The following HS3ST2 variants were observed in gnomAD, a reference collection of about 807,000 sequenced individuals.
The protein encoded by HS3ST2 is heparan sulfate glucosamine 3-O-sulfotransferase 2.
In HS3ST2, 17 loss-of-function variants were observed where a neutral mutation model predicts 26.3. The observed-to-expected ratio is 0.65, with a 90% CI of 0.44 to 0.97. HS3ST2 has a LOEUF of 0.97. Among genes scored for constraint, HS3ST2 ranks in the 50% least tolerant of loss-of-function variants. The pLI, the probability that HS3ST2 is intolerant of heterozygous loss-of-function variation, is 0.00. For synonymous variants in HS3ST2, 237 were observed against 219.2 expected, an observed-to-expected ratio of 1.08 and a Z score of -0.72; for missense variants, 402 against 501.2, an observed-to-expected ratio of 0.80 and a Z score of 1.89.
At chr16:22,820,902 TC>T (rs771106523) in intron 1 of HS3ST2, among the ~76,000 whole-genome samples, 2 of 152,200 alleles carry the variant, frequency 1.3e-5, no homozygotes, top group African/African-American at 4.8e-5. Flanking sequence ...TTAGCATGTA[TC>T]TTATGATTGA....
chr16:22,832,580 A>C (rs1901188875), intron 1 of HS3ST2, among the ~76,000 whole-genome samples: 1 of 151,998 alleles, frequency 6.6e-6, no homozygotes, highest in Non-Finnish European at 1.5e-5. Context: ...CTGTGGTCTG[A>C]GGCCAGGGTG....
chr16:22,823,157 G>A (rs899590190), intron 1 of HS3ST2, among the ~76,000 whole-genome samples: 1 of 152,182 alleles, frequency 6.6e-6, no homozygotes, highest in African/African-American at 2.4e-5. Context: ...ATTAGAAAGT[G>A]ATCATAAAAA....
At chr16:22,863,607 T>C (rs13332627) in intron 1 of HS3ST2, among the ~76,000 whole-genome samples, 24,124 of 152,108 alleles carry the variant, frequency 0.16, 3,214 homozygotes, top group African/African-American at 0.36. Context: ...TAATCCTGTG[T>C]CTATTGTTAC....
At chr16:22,840,747 A>G (rs1485319807) in intron 1 of HS3ST2, among the ~76,000 whole-genome samples, 1 of 152,126 alleles carries the variant, frequency 6.6e-6, no homozygotes, top group Admixed American at 6.5e-5. Context: ...TCCTCATACT[A>G]TTAGGAGAAA....
intron 1 of HS3ST2, among the ~76,000 whole-genome samples, chr16:22,899,434 T>C (rs944658563): frequency 1.3e-5 from 2 of 152,122 alleles, no homozygotes; most frequent in Non-Finnish European, 2.9e-5. Flanking sequence ...GGTCACCTAC[T>C]AAGAGTGGCA....
intron 1 of HS3ST2, among the ~76,000 whole-genome samples, chr16:22,826,491 C>A (rs1901088850): frequency 6.6e-6 from 1 of 152,184 alleles, no homozygotes; most frequent in Non-Finnish European, 1.5e-5. Flanking sequence ...TTACTTCTTA[C>A]TTCTCACTGA....
At chr16:22,885,580 C>G (rs149480902) in intron 1 of HS3ST2, among the ~76,000 whole-genome samples, 1 of 151,884 alleles carries the variant, frequency 6.6e-6, no homozygotes, top group South Asian at 2.1e-4. Flanking sequence ...CTCAGCCTCC[C>G]GAGTAGCTGG....
chr16:22,887,340 G>A (rs1283791252), intron 1 of HS3ST2, among the ~76,000 whole-genome samples: 2 of 152,204 alleles, frequency 1.3e-5, no homozygotes, highest in Non-Finnish European at 2.9e-5. Flanking sequence ...CAGATTCAGT[G>A]TCCAGTGAGA....
intron 1 of HS3ST2, among the ~76,000 whole-genome samples, chr16:22,889,512 A>G (rs1483548218): frequency 1.3e-5 from 2 of 152,330 alleles, no homozygotes; most frequent in African/African-American, 4.8e-5. Context: ...AATGCTCACT[A>G]GAGCATTTCG....
At chr16:22,848,490 A>G (rs931923778) in intron 1 of HS3ST2, among the ~76,000 whole-genome samples, 1 of 151,804 alleles carries the variant, frequency 6.6e-6, no homozygotes, top group African/African-American at 2.4e-5. Context: ...TGATGGCTTT[A>G]GCTCAAGCTG....
chr16:22,869,412 G>A (rs1901800982), intron 1 of HS3ST2, among the ~76,000 whole-genome samples: 1 of 152,186 alleles, frequency 6.6e-6, no homozygotes, highest in South Asian at 2.1e-4. Context: ...TGAGATTATA[G>A]AGCAGGCCTC....
In HS3ST2 at chr16:22,914,223, C is replaced by G. The variant is rs1350858012; in HGVS notation, c.486-721C>G. On this transcript the variant is annotated intron_variant, in intron 1 of 1. Coordinates refer to ENST00000261374, the MANE Select transcript of HS3ST2 (RefSeq NM_006043.2). The stretch of plus-strand genomic sequence containing the variant: ...CTCAAGTTTCCTCCCTAGAAGCAAC[C>G]ACTTTTATTGGTAACTTATTTATCC... 4.6e-5 allele frequency among the ~76,000 whole-genome samples: 7 copies of G among 151,932 alleles called. No individual in the cohort carries two copies. The East Asian group carries it at 1.4e-3, about 29-fold the overall frequency.
intron 1 of HS3ST2, among the ~76,000 whole-genome samples, chr16:22,866,187 G>A (rs1901746630): frequency 6.7e-6 from 1 of 148,890 alleles, no homozygotes; most frequent in Admixed American, 6.8e-5. Flanking sequence ...CTCAAATCTT[G>A]AAGAGAAGTC....
chr16:22,831,804 G>C (rs1901174144), intron 1 of HS3ST2, among the ~76,000 whole-genome samples: 1 of 152,034 alleles, frequency 6.6e-6, no homozygotes, highest in Admixed American at 6.5e-5. Flanking sequence ...AGCGGGGAGG[G>C]GTGGCCACAA....
chr16:22,875,530 G>A (rs577526240), intron 1 of HS3ST2, among the ~76,000 whole-genome samples: 32 of 152,124 alleles, frequency 2.1e-4, no homozygotes, highest in African/African-American at 7.0e-4. Context: ...ACAGGTGCCC[G>A]CCACCACACC....
chr16:22,880,753 C>T (rs985590216), intron 1 of HS3ST2, among the ~76,000 whole-genome samples: 1 of 152,158 alleles, frequency 6.6e-6, no homozygotes, highest in Non-Finnish European at 1.5e-5. Flanking sequence ...TGGGTGAATC[C>T]AAACCTCCCT....
chr16:22,861,065 T>C (rs1901667437), intron 1 of HS3ST2, among the ~76,000 whole-genome samples: 1 of 151,990 alleles, frequency 6.6e-6, no homozygotes, highest in African/African-American at 2.4e-5. Flanking sequence ...TTTGTAGATA[T>C]AGGGCCTCAC....
chr16:22,832,627 G>A (rs1225988475), intron 1 of HS3ST2, among the ~76,000 whole-genome samples: 4 of 151,930 alleles, frequency 2.6e-5, no homozygotes, highest in African/African-American at 7.3e-5. Context: ...CTACTGAAAG[G>A]CATCAGATCA....
intron 1 of HS3ST2, among the ~76,000 whole-genome samples, chr16:22,878,173 A>G (rs1901944225): frequency 6.6e-6 from 1 of 152,246 alleles, no homozygotes; most frequent in African/African-American, 2.4e-5. Flanking sequence ...TGTGTACATT[A>G]TGATGTCTTA....
Sources: allele counts gnomAD v4.1 joint callset (sites outside exome capture counted in the v4.1 genomes callset), GRCh38; gene constraint gnomAD v4.1.1; transcripts MANE v1.5; gene names NCBI Gene and HGNC (gene_info 2026-07-23, HGNC 2026-07-21).